TBC1D9: variants seen among roughly 807,000 people sequenced by gnomAD.
TBC1D9 encodes TBC1 domain family member 9A.
In TBC1D9, 63 loss-of-function variants were observed where a neutral mutation model predicts 132.0. That is an observed-to-expected ratio of 0.48 (90% CI 0.39 to 0.59). The LOEUF is 0.59. Among genes scored for constraint, TBC1D9 ranks in the 20% least tolerant of loss-of-function variants. TBC1D9 has a pLI of 0.00. For synonymous variants in TBC1D9, 610 were observed against 609.9 expected, an observed-to-expected ratio of 1.00 and a Z score of 0.00; for missense variants, 1,261 against 1,592.7, an observed-to-expected ratio of 0.79 and a Z score of 3.54.
At chr4:140,720,750 G>C (rs918979774) in intron 1 of TBC1D9, among the ~76,000 whole-genome samples, 1 of 152,198 alleles carries the variant, frequency 6.6e-6, no homozygotes, top group Non-Finnish European at 1.5e-5. Flanking sequence ...CCTCTTCCTG[G>C]AGGAGTAACC....
intron 13 of TBC1D9, chr4:140,644,697 CT>C (rs1737073707): frequency 2.4e-6 from 1 of 417,286 alleles, no homozygotes; most frequent in Admixed American, 3.2e-5. Context: ...ACTCCTGCAG[CT>C]GCAGGAAGTG....
Position 140,639,417 on chromosome 4 carries a change from A to C in TBC1D9, c.2349T>G (p.Thr783=), listed in dbSNP as rs777598364. 1.2e-6 allele frequency: 2 copies of C among 1,610,544 alleles called. No individual in the cohort carries two copies. Among genetic ancestry groups the C allele is most frequent in the East Asian group, 4.5e-5 (2 of 44,838 alleles). Residue 783 remains threonine, a synonymous_variant, in exon 14 of 21, where the codon ACT becomes ACG. Coordinates refer to ENST00000442267, the MANE Select transcript of TBC1D9 (RefSeq NM_015130.3). ...TCTGTTCAATCAAATCTGCCCGGATAGTTCCGAATTTCTGTAAAGGAGCAA... is the reference window on the plus strand; with the variant it reads ...TCTGTTCAATCAAATCTGCCCGGATCGTTCCGAATTTCTGTAAAGGAGCAA... The part of the protein sequence containing the change: ...LIRTSYEKFG[T]IRADLIEQMR...
At chr4:140,679,238 A>G in intron 4 of TBC1D9, 35 bp from the exon 5 acceptor site, 2 of 1,589,538 alleles carry the variant, frequency 1.3e-6, no homozygotes, top group Non-Finnish European at 1.7e-6. Flanking sequence ...TCAACATCTG[A>G]TTCCTGAAAA....
At position 140,709,246 on chromosome 4, in the gene TBC1D9, T is replaced by TCACA. The variant is rs1177824383; in HGVS notation, c.131-7633_131-7632insTGTG. 5.8e-3 allele frequency among the ~76,000 whole-genome samples: 590 copies of TCACA among 102,274 alleles called. 1 individual carries two copies. The highest frequency in any genetic ancestry group is 0.017 in the East Asian group (66 of 3,998). The allele number at this position is 102,274 out of a possible 152,430, so 67.1% of individuals were successfully genotyped here. ...CTCTCTCTCTCTCTCTCTCTCTCTCTCTCACACACACACACACACACACAC... is the reference window on the plus strand; with the variant it reads ...CTCTCTCTCTCTCTCTCTCTCTCTCTCACACTCACACACACACACACACACACAC... On this transcript the variant is annotated intron_variant, in intron 1 of 20. Coordinates refer to ENST00000442267, the MANE Select transcript of TBC1D9 (RefSeq NM_015130.3).
At chr4:140,642,485 TC>T (rs1560870464) in intron 13 of TBC1D9, 9 of 1,061,668 alleles carry the variant, frequency 8.5e-6, no homozygotes, top group African/African-American at 1.6e-5. Context: ...GTTTTTGATT[TC>T]CCCCCAGCAC....
At chr4:140,684,288 C>T (rs1262277111) in intron 3 of TBC1D9, among the ~76,000 whole-genome samples, 1 of 150,664 alleles carries the variant, frequency 6.6e-6, no homozygotes, top group African/African-American at 2.4e-5. Context: ...AAGAAATACA[C>T]AAAATGCTAC....
intron 15 of TBC1D9, among the ~76,000 whole-genome samples, chr4:140,636,506 C>T (rs889660614): frequency 6.6e-6 from 1 of 152,168 alleles, no homozygotes; most frequent in Non-Finnish European, 1.5e-5. Flanking sequence ...GATCCTCCTA[C>T]GTCAGCCTCT....
At chr4:140,719,006 C>T (rs1738382138) in intron 1 of TBC1D9, among the ~76,000 whole-genome samples, 1 of 151,828 alleles carries the variant, frequency 6.6e-6, no homozygotes, top group African/African-American at 2.4e-5. Context: ...ATTCCAGCTG[C>T]TCGGAGGCTG....
chr4:140,623,052 A>G, intron 20 of TBC1D9, 135 bp from the exon 21 acceptor site: 2 of 1,067,440 alleles, frequency 1.9e-6, no homozygotes, highest in Non-Finnish European at 2.5e-6. Flanking sequence ...CTGGATGGAC[A>G]TGTTTAAAGT....
Position 140,658,808 on chromosome 4 carries a change from TA to T in TBC1D9, c.1921+779del, listed in dbSNP as rs745959619. Among the ~76,000 whole-genome samples, 1,223 of 140,152 alleles carry T rather than the reference TA, an allele frequency of 8.7e-3. 9 individuals are homozygous for T. Among genetic ancestry groups the T allele is most frequent in the African/African-American group, 0.02 (759 of 38,332 alleles). The allele number at this position is 140,152 out of a possible 152,430, so 91.9% of individuals were successfully genotyped here. On this transcript the variant is annotated intron_variant, in intron 11 of 20. Transcript: ENST00000442267. ...CCTGGGCGACAGAGCGAGATGGTCT[TA>T]AAAAAAAAAAAAAATCACACTTCTG...
chr4:140,693,474 T>C (rs1737907576), intron 2 of TBC1D9, among the ~76,000 whole-genome samples: 1 of 152,200 alleles, frequency 6.6e-6, no homozygotes, highest in South Asian at 2.1e-4. Context: ...CGTGGGTAAA[T>C]TACTTTAACC....
At chr4:140,725,887 G>C (rs1374394582) in intron 1 of TBC1D9, among the ~76,000 whole-genome samples, 1 of 152,090 alleles carries the variant, frequency 6.6e-6, no homozygotes, top group Non-Finnish European at 1.5e-5. Context: ...ACCTAGAGTC[G>C]GTGATAATAG....
chr4:140,741,811 C>G (rs1738762798), intron 1 of TBC1D9, among the ~76,000 whole-genome samples: 1 of 152,200 alleles, frequency 6.6e-6, no homozygotes, highest in Non-Finnish European at 1.5e-5. Context: ...ATCTTGATCT[C>G]CACAACCCCT....
intron 3 of TBC1D9, among the ~76,000 whole-genome samples, chr4:140,683,272 T>C (rs1737732722): frequency 6.6e-6 from 1 of 152,160 alleles, no homozygotes; most frequent in African/African-American, 2.4e-5. Context: ...TCTAATATAC[T>C]AGTATCAAGA....
At chr4:140,671,167 T>C (rs934412758) in intron 6 of TBC1D9, among the ~76,000 whole-genome samples, 7 of 152,142 alleles carry the variant, frequency 4.6e-5, no homozygotes, top group African/African-American at 1.7e-4. Flanking sequence ...AATCAGTGGT[T>C]CAAAATGGGA....
chr4:140,744,286 A>C lies in TBC1D9; in HGVS notation c.130+11630T>G, dbSNP rs143619696. On this transcript the variant is annotated intron_variant, in intron 1 of 20. Transcript: ENST00000442267. ...ACATAGAAGTCACCAATATAAACCA[A>C]AAATAAAATTCTGACCCCCCAACTG... 4.6e-3 allele frequency among the ~76,000 whole-genome samples: 704 copies of C among 152,232 alleles called. 3 individuals carry two copies. The highest frequency in any genetic ancestry group is 0.016 in the African/African-American group (656 of 41,524).
chr4:140,639,345 A>G lies in TBC1D9; in HGVS notation c.2421T>C (p.Thr807=). 6.2e-7 allele frequency: 1 copy of G among 1,611,966 alleles called. No individual in the cohort carries two copies. The highest frequency in any genetic ancestry group is 8.5e-7 in the Non-Finnish European group (1 of 1,178,958). Residue 807 remains threonine, a synonymous_variant, in exon 14 of 21, where the codon ACT becomes ACC. Transcript: ENST00000442267. The part of the protein sequence containing the change: ...RLKVIQTLED[T]TKRNVVRTIV... ...AAGGACTTACCACGTTGCGTTTCGT[A>G]GTATCCTCCAGCGTCTGGATCACTT... is the stretch of plus-strand genomic sequence containing the variant.
chr4:140,693,989 GTC>G (rs1737913721), intron 2 of TBC1D9, among the ~76,000 whole-genome samples: 1 of 152,144 alleles, frequency 6.6e-6, no homozygotes, highest in South Asian at 2.1e-4. Flanking sequence ...GAACATAAAT[GTC>G]TATCTTTCTG....
At chr4:140,736,930 C>T (rs147737654) in intron 1 of TBC1D9, among the ~76,000 whole-genome samples, 1 of 152,166 alleles carries the variant, frequency 6.6e-6, no homozygotes, top group Non-Finnish European at 1.5e-5. Context: ...ACTGCATGCT[C>T]TTTATCAGCA....
Sources: allele counts gnomAD v4.1 joint callset (sites outside exome capture counted in the v4.1 genomes callset), GRCh38; gene constraint gnomAD v4.1.1; transcripts MANE v1.5; gene names NCBI Gene and HGNC (gene_info 2026-07-23, HGNC 2026-07-21).